The following UGGT1 variants were observed in gnomAD, a reference collection of about 807,000 sequenced individuals.
The protein encoded by UGGT1 is UDP-glucose glycoprotein glucosyltransferase 1, also known as UDP-glucose:glycoprotein glucosyltransferase 1.
In UGGT1, 107 loss-of-function variants were observed where a neutral mutation model predicts 203.9. That is an observed-to-expected ratio of 0.52 (90% CI 0.45 to 0.62). UGGT1 has a LOEUF of 0.62. Ranked by LOEUF, UGGT1 falls within the 20% of genes least tolerant of loss-of-function variation. The pLI, the probability that UGGT1 is intolerant of heterozygous loss-of-function variation, is 0.00. For missense variants in UGGT1, 1,673 were observed against 1,867.2 expected (o/e 0.90, Z 1.92); for synonymous variants, 628 against 653.5 (o/e 0.96, Z 0.59).
At chr2:128,114,447 C>G (rs1688003300) in intron 6 of UGGT1, among the ~76,000 whole-genome samples, 1 of 152,094 alleles carries the variant, frequency 6.6e-6, no homozygotes, top group Non-Finnish European at 1.5e-5. Flanking sequence ...TTTGTACAAG[C>G]AGAAAGTTTT....
intron 11 of UGGT1, among the ~76,000 whole-genome samples, chr2:128,126,781 C>T (rs964233195): frequency 1.4e-5 from 2 of 144,964 alleles, no homozygotes; most frequent in Non-Finnish European, 3.0e-5. Flanking sequence ...CTCCTGGGTT[C>T]GAGCGGTTCT....
At chr2:128,177,954 G>GA (rs748493836) in intron 33 of UGGT1, 34 bp downstream of exon 33, 1 of 1,538,644 alleles carries the variant, frequency 6.5e-7, no homozygotes, top group African/African-American at 1.4e-5. Context: ...TGTTTTTAAG[G>GA]AAAAACTGAG....
chr2:128,180,136 C>T (rs551814331), intron 35 of UGGT1, among the ~76,000 whole-genome samples: 68 of 152,278 alleles, frequency 4.5e-4, no homozygotes, highest in African/African-American at 1.6e-3. Context: ...GATAACGTTT[C>T]CTTCCTCTGA....
intron 30 of UGGT1, among the ~76,000 whole-genome samples, 200 bp from the exon 31 acceptor site, chr2:128,174,573 T>C (rs1691280207): frequency 6.6e-6 from 1 of 152,210 alleles, no homozygotes; most frequent in African/African-American, 2.4e-5. Context: ...AGTGCTGGGA[T>C]TACAGGCGTG....
rs574003549 is a variant in UGGT1 at position 128,187,203 on chromosome 2, C to T, written c.4477-246C>T. 3.7e-5 allele frequency: 14 copies of T among 380,818 alleles called. No individual in the cohort carries two copies. The East Asian group carries it at 6.3e-4, about 17-fold the overall frequency. The allele number at this position is 380,818 out of a possible 1,614,324, so 23.6% of individuals were successfully genotyped here. A position where few individuals can be genotyped will look rare whatever the true frequency, so the allele number is the denominator to read the frequency against. The stretch of plus-strand genomic sequence containing the variant: ...TCACTCCTTGGCTTCCAGTTTATCT[C>T]TGTGCCTTGTAATTTTTCCAAATGG... On this transcript the variant is annotated intron_variant, in intron 39 of 40. Coordinates refer to ENST00000259253, the MANE Select transcript of UGGT1 (RefSeq NM_020120.4).
chr2:128,158,204 G>A (rs1487272506), intron 22 of UGGT1, among the ~76,000 whole-genome samples: 2 of 152,200 alleles, frequency 1.3e-5, no homozygotes, highest in Non-Finnish European at 2.9e-5. Flanking sequence ...TGGGGAAGGA[G>A]AGTTGCATTT....
In UGGT1 at chr2:128,097,291, G is replaced by T. The variant is rs563891277; in HGVS notation, c.59-138G>T. The T allele has an allele frequency of 5.3e-6, 5 of 949,528 alleles. 1 individual carries two copies. Among genetic ancestry groups the T allele is most frequent in the Middle Eastern group, 6.8e-4 (2 of 2,950 alleles). The allele number at this position is 949,528 out of a possible 1,614,324, so 58.8% of individuals were successfully genotyped here. A position where few individuals can be genotyped will look rare whatever the true frequency, so the allele number is the denominator to read the frequency against. ...CTGGGGAGGCTGAGGCAGGAGAATCGCTTGAACCTGGGAGGCAGAGGTTGC... is the reference window on the plus strand; with the variant it reads ...CTGGGGAGGCTGAGGCAGGAGAATCTCTTGAACCTGGGAGGCAGAGGTTGC... On this transcript the variant is annotated intron_variant, in intron 1 of 40. Coordinates refer to ENST00000259253, the MANE Select transcript of UGGT1 (RefSeq NM_020120.4).
At chr2:128,108,617 G>A (rs182730683) in intron 4 of UGGT1, among the ~76,000 whole-genome samples, 2,168 of 152,204 alleles carry the variant, frequency 0.014, 34 homozygotes, top group Admixed American at 0.025. Context: ...TGATATAAAA[G>A]CAATGCTAAT....
At chr2:128,161,918 T>A (rs2104747781) in intron 25 of UGGT1, among the ~76,000 whole-genome samples, 1 of 152,384 alleles carries the variant, frequency 6.6e-6, no homozygotes, top group African/African-American at 2.4e-5. Flanking sequence ...TTTAATTGTT[T>A]GAGGAACCAC....
chr2:128,167,744 T>A (rs1467310133), intron 26 of UGGT1, among the ~76,000 whole-genome samples: 2 of 152,248 alleles, frequency 1.3e-5, no homozygotes, highest in Non-Finnish European at 2.9e-5. Context: ...AAACATGATG[T>A]TGTTCATATT....
chr2:128,168,944 G>A (rs1192222097), intron 26 of UGGT1, among the ~76,000 whole-genome samples: 2 of 151,602 alleles, frequency 1.3e-5, no homozygotes, highest in Admixed American at 6.6e-5. Flanking sequence ...CTACTTTGGT[G>A]GCTGGGGCGC....
chr2:128,148,561 A>G (rs1199136900), intron 18 of UGGT1, among the ~76,000 whole-genome samples: 1 of 152,240 alleles, frequency 6.6e-6, no homozygotes, highest in African/African-American at 2.4e-5. Context: ...ACACTCAACC[A>G]GGCAGTTGGC....
intron 6 of UGGT1, among the ~76,000 whole-genome samples, chr2:128,114,496 A>G (rs1042154632): frequency 6.6e-6 from 1 of 152,118 alleles, no homozygotes; most frequent in Admixed American, 6.6e-5. Context: ...TGCCCCCTTC[A>G]TTGCTGTTAG....
At position 128,115,483 on chromosome 2, in the gene UGGT1, TA is replaced by T. The variant is rs55952659; in HGVS notation, c.793+285del. The stretch of plus-strand genomic sequence containing the variant: ...GTAAGGAAAGAATTTTTTCATGTAC[TA>T]AAAAAAAAAAAAAAAAAAAAACAAA... On this transcript the variant is annotated intron_variant, in intron 7 of 40. Coordinates refer to ENST00000259253, the MANE Select transcript of UGGT1 (RefSeq NM_020120.4). Among the ~76,000 whole-genome samples, 99 of 121,760 alleles carry T rather than the reference TA, an allele frequency of 8.1e-4. 2 individuals carry two copies. Among genetic ancestry groups the T allele is most frequent in the South Asian group, 6.5e-3 (23 of 3,524 alleles). 79.9% of individuals were successfully genotyped at this position (121,760 alleles called of 152,430 possible). A position where few individuals can be genotyped will look rare whatever the true frequency, so the allele number is the denominator to read the frequency against.
intron 26 of UGGT1, among the ~76,000 whole-genome samples, chr2:128,165,267 T>A (rs1459346996): frequency 6.6e-6 from 1 of 151,906 alleles, no homozygotes; most frequent in African/African-American, 2.4e-5. Flanking sequence ...ACAAAAAAAT[T>A]TTAAAACATT....
rs1226982777 is a variant in UGGT1, at chr2:128,160,533, A to G, written c.2636A>G (p.Tyr879Cys). Residue 879 changes from tyrosine to cysteine, a missense_variant, in exon 24 of 41, where the codon TAC (tyrosine) becomes TGC (cysteine). Tyr to Cys is a radical substitution (Grantham distance 194). Transcript: ENST00000259253. ...KMDFILSHAV[Y>C]CRDVLKLKKG... ...GATTTCATTTTGTCTCATGCCGTGT[A>G]CTGCAGGGATGTTCTGAAGCTGAAG... The G allele has an allele frequency of 2.5e-6, 4 of 1,613,348 alleles. No individual in the cohort carries two copies. The highest frequency in any genetic ancestry group is 3.4e-6 in the Non-Finnish European group (4 of 1,179,818).
At chr2:128,131,558 T>C (rs1006692443) in intron 13 of UGGT1, among the ~76,000 whole-genome samples, 9 of 152,188 alleles carry the variant, frequency 5.9e-5, no homozygotes, top group Non-Finnish European at 1.3e-4. Context: ...TTTTTGTGTA[T>C]ACATGTGAAT....
At chr2:128,155,652 T>C in intron 20 of UGGT1, 65 bp downstream of exon 20, 2 of 1,265,798 alleles carry the variant, frequency 1.6e-6, no homozygotes, top group Non-Finnish European at 1.1e-6. Flanking sequence ...CATATTCATC[T>C]TAATGTGCAA....
chr2:128,167,743 GT>G (rs1211594003), intron 26 of UGGT1, among the ~76,000 whole-genome samples: 3 of 152,162 alleles, frequency 2.0e-5, no homozygotes, highest in African/African-American at 7.2e-5. Context: ...TAAACATGAT[GT>G]TGTTCATATT....
Sources: allele counts gnomAD v4.1 joint callset (sites outside exome capture counted in the v4.1 genomes callset), GRCh38; gene constraint gnomAD v4.1.1; transcripts MANE v1.5; gene names NCBI Gene and HGNC (gene_info 2026-07-23, HGNC 2026-07-21).